ENPP3: variants seen among roughly 807,000 people sequenced by gnomAD.
ENPP3 encodes the protein ectonucleotide pyrophosphatase/phosphodiesterase 3.
ENPP3 carries 104 observed loss-of-function variants against 117.8 expected under a neutral mutation model. The ratio of observed to expected loss-of-function variants is 0.88; its 90% CI spans 0.75 to 1.04. The LOEUF (loss-of-function observed/expected upper bound fraction) is 1.04, where lower values mean the gene tolerates loss of function less well. ENPP3 is among the 50% of genes least tolerant of loss of function. The probability of loss-of-function intolerance (pLI) is 0.00; values close to 1 mark genes in which losing one functional copy is unlikely to be tolerated. For synonymous variants in ENPP3, 380 were observed against 349.9 expected (o/e 1.09, Z -0.96); for missense variants, 1,026 against 1,051.9 (o/e 0.98, Z 0.34).
At chr6:131,683,853 C>T (rs1340496144) in intron 12 of ENPP3, among the ~76,000 whole-genome samples, 2 of 150,876 alleles carry the variant, frequency 1.3e-5, no homozygotes, top group Non-Finnish European at 2.9e-5. Flanking sequence ...CGAGTTCATG[C>T]CATTCTCCTG....
intron 6 of ENPP3, among the ~76,000 whole-genome samples, chr6:131,659,180 G>A (rs1778446865): frequency 6.6e-6 from 1 of 152,196 alleles, no homozygotes; most frequent in African/African-American, 2.4e-5. Context: ...GGATGTGGTA[G>A]CTTATGCCTG....
intron 11 of ENPP3, among the ~76,000 whole-genome samples, chr6:131,680,614 A>AT (rs377359818): frequency 4.6e-5 from 7 of 152,068 alleles, no homozygotes; most frequent in African/African-American, 1.7e-4. Flanking sequence ...GGAAGTAGAG[A>AT]TTTTCTGACT....
chr6:131,675,279 AGTT>A, intron 9 of ENPP3, 90 bp downstream of exon 9: 1 of 850,116 alleles, frequency 1.2e-6, no homozygotes, highest in Non-Finnish European at 1.9e-6. Flanking sequence ...CTATTAATCC[AGTT>A]GTTTAAGCCA....
At chr6:131,683,837 G>A (rs1260899477) in intron 12 of ENPP3, among the ~76,000 whole-genome samples, 1 of 145,940 alleles carries the variant, frequency 6.9e-6, no homozygotes, top group East Asian at 2.0e-4. Context: ...TGCAAGCTCT[G>A]CCTCCCGAGT....
chr6:131,638,671 T>G (rs111587937), intron 1 of ENPP3: 4 of 258,292 alleles, frequency 1.5e-5, no homozygotes, highest in African/African-American at 4.6e-5. Flanking sequence ...GTGATCTACC[T>G]GCCTCGGCCT....
chr6:131,676,192 C>G (rs769565869), intron 9 of ENPP3, among the ~76,000 whole-genome samples: 12 of 152,138 alleles, frequency 7.9e-5, no homozygotes, highest in Middle Eastern at 3.4e-3. Flanking sequence ...TGTCTTACCC[C>G]AGTTATACTT....
Position 131,658,308 on chromosome 6 carries a change from G to T in ENPP3, c.465-15G>T, listed in dbSNP as rs1778427888. On this transcript the variant is annotated splice_polypyrimidine_tract_variant and intron_variant, in intron 5 of 24. Coordinates refer to ENST00000357639, the MANE Select transcript of ENPP3 (RefSeq NM_005021.5). ...CTATCCAAAACAATGGACAAATTTT[G>T]TTTTCCATTTTCAGGTTTGACCTGC... The T allele has an allele frequency of 6.7e-7, 1 of 1,492,616 alleles. No individual in the cohort carries two copies. Among genetic ancestry groups the T allele is most frequent in the African/African-American group, 1.4e-5 (1 of 72,508 alleles). The allele number at this position is 1,492,616 out of a possible 1,614,324, so 92.5% of individuals were successfully genotyped here. A position where few individuals can be genotyped will look rare whatever the true frequency, so the allele number is the denominator to read the frequency against.
At chr6:131,652,973 G>T in intron 5 of ENPP3, 82 bp downstream of exon 5, 1 of 908,398 alleles carries the variant, frequency 1.1e-6, no homozygotes, top group Non-Finnish European at 1.8e-6. Context: ...ACGCAGAGAG[G>T]AATTTCCCCC....
intron 10 of ENPP3, 76 bp from the exon 11 acceptor site, chr6:131,677,792 T>G: frequency 2.1e-6 from 2 of 951,404 alleles, no homozygotes; most frequent in Non-Finnish European, 3.4e-6. Context: ...AAGCCCAAGA[T>G]CTACAAAATC....
intron 15 of ENPP3, among the ~76,000 whole-genome samples, chr6:131,699,291 A>C (rs1371212916): frequency 4.7e-5 from 7 of 149,976 alleles, no homozygotes; most frequent in African/African-American, 1.5e-4. Context: ...TTTTATATCT[A>C]ACATGATATG....
chr6:131,686,812 C>T (rs1273647823), intron 14 of ENPP3, among the ~76,000 whole-genome samples: 1 of 152,194 alleles, frequency 6.6e-6, no homozygotes, highest in East Asian at 1.9e-4. Context: ...TGGCCTCCAG[C>T]TCCATTCATG....
At position 131,720,343 on chromosome 6, in the gene ENPP3, C is replaced by A. The variant is rs150323356; in HGVS notation, c.1531C>A (p.Pro511Thr). The part of the protein sequence containing the change: ...PSFKEKTEVE[P>T]FENIEVYNLM... ...TTTTAAAGAGAAGACTGAAGTTGAA[C>A]CATTTGAAAATATTGAAGTCTATAA... Residue 511 changes from proline to threonine, a missense_variant, in exon 17 of 25, where the codon CCA becomes ACA. Coordinates refer to ENST00000357639, the MANE Select transcript of ENPP3 (RefSeq NM_005021.5). 3.9e-5 allele frequency: 63 copies of A among 1,599,732 alleles called. No individual in the cohort carries two copies. The African/African-American group carries it at 5.9e-4, about 15-fold the overall frequency.
chr6:131,684,681 C>T (rs1050420846), intron 12 of ENPP3, among the ~76,000 whole-genome samples: 63 of 143,194 alleles, frequency 4.4e-4, no homozygotes, highest in African/African-American at 1.7e-3. Context: ...AAGACTCTGT[C>T]TCAAAAAAAA....
chr6:131,670,281 T>G (rs955100370), intron 6 of ENPP3, among the ~76,000 whole-genome samples: 4 of 152,224 alleles, frequency 2.6e-5, no homozygotes, highest in African/African-American at 9.6e-5. Flanking sequence ...TGTTGACTTT[T>G]GTTATATTAG....
chr6:131,663,025 C>A (rs1335062554), intron 6 of ENPP3, among the ~76,000 whole-genome samples: 1 of 152,026 alleles, frequency 6.6e-6, no homozygotes, highest in Non-Finnish European at 1.5e-5. Flanking sequence ...TTGTATCCTG[C>A]AATTTTACTG....
chr6:131,737,260 A>G, intron 21 of ENPP3, 95 bp from the exon 22 acceptor site: 2 of 725,312 alleles, frequency 2.8e-6, no homozygotes, highest in Non-Finnish European at 4.6e-6. Flanking sequence ...GACTGTTAAT[A>G]AATTTATATT....
chr6:131,654,109 TTTATTATTATTA>T (rs35379106), intron 5 of ENPP3, among the ~76,000 whole-genome samples: 49 of 143,300 alleles, frequency 3.4e-4, no homozygotes, highest in East Asian at 3.1e-3. Flanking sequence ...AAATTTAAGT[TTTATTATTATTA>T]TTATTATTAT....
At chr6:131,716,163 G>A (rs1364239986) in intron 15 of ENPP3, among the ~76,000 whole-genome samples, 2 of 152,148 alleles carry the variant, frequency 1.3e-5, no homozygotes, top group Admixed American at 1.3e-4. Flanking sequence ...TGGAGAATTT[G>A]TTCCAAAATA....
intron 5 of ENPP3, among the ~76,000 whole-genome samples, chr6:131,654,113 TTA>T (rs1562430610): frequency 4.1e-5 from 3 of 73,896 alleles, no homozygotes; most frequent in Admixed American, 1.4e-4. Flanking sequence ...TTAAGTTTTA[TTA>T]TTATTATTAT....
Sources: gnomAD v4.1 joint callset for allele counts (sites outside exome capture counted in the v4.1 genomes callset) on GRCh38, gnomAD v4.1.1 for gene constraint, MANE v1.5 for transcripts, NCBI Gene and HGNC (gene_info 2026-07-23, HGNC 2026-07-21) for gene names.